Variants in AGAP1 observed in about 807,000 individuals in gnomAD.
AGAP1 encodes the protein arf-GAP with GTPase, ANK repeat and PH domain-containing protein 1.
Under a neutral mutation model 105.3 loss-of-function variants are expected in AGAP1, and 29 were observed. That is an observed-to-expected ratio of 0.28 (90% confidence interval 0.21 to 0.38). AGAP1 has a LOEUF of 0.38. AGAP1 is among the 10% of genes least tolerant of loss of function. The pLI is 1.00. For missense variants in AGAP1, 998 were observed against 1,165.1 expected, an observed-to-expected ratio of 0.86 and a Z score of 2.09; for synonymous variants, 509 against 485.9, an observed-to-expected ratio of 1.05 and a Z score of -0.63.
At chr2:235,946,109 A>T (rs1245148624) in intron 12 of AGAP1, among the ~76,000 whole-genome samples, 7 of 100,194 alleles carry the variant, frequency 7.0e-5, no homozygotes, top group Non-Finnish European at 1.2e-4. Flanking sequence ...TCCCCTAATT[A>T]AAAAAAAAAA....
intron 16 of AGAP1, among the ~76,000 whole-genome samples, chr2:236,117,731 C>T (rs923931528): frequency 1.3e-5 from 2 of 152,190 alleles, no homozygotes; most frequent in Non-Finnish European, 2.9e-5. Flanking sequence ...TGACGTTTTG[C>T]TCCTTCTCTT....
At chr2:235,755,788 C>G (rs936349246) in intron 6 of AGAP1, among the ~76,000 whole-genome samples, 9 of 152,166 alleles carry the variant, frequency 5.9e-5, no homozygotes, top group African/African-American at 1.9e-4. Context: ...TATGAAGAAG[C>G]AGCTTTCTGA....
chr2:235,922,530 G>A (rs1320835942), intron 11 of AGAP1, among the ~76,000 whole-genome samples: 2 of 152,188 alleles, frequency 1.3e-5, no homozygotes, highest in Non-Finnish European at 2.9e-5. Flanking sequence ...AAAATTGGAA[G>A]GCGCAGGGAA....
At chr2:235,745,352 CAG>C (rs1034885028) in intron 5 of AGAP1, among the ~76,000 whole-genome samples, 37 of 152,294 alleles carry the variant, frequency 2.4e-4, no homozygotes, top group African/African-American at 7.9e-4. Flanking sequence ...GCCCCTCAGA[CAG>C]AGAATCCAAC....
At chr2:236,112,291 C>T (rs1378110496) in intron 16 of AGAP1, among the ~76,000 whole-genome samples, 1 of 152,088 alleles carries the variant, frequency 6.6e-6, no homozygotes, top group Non-Finnish European at 1.5e-5. Context: ...TGGCACGTGC[C>T]TGTAATCCCA....
intron 1 of AGAP1, among the ~76,000 whole-genome samples, chr2:235,643,478 A>G (rs1170487753): frequency 6.9e-6 from 1 of 145,876 alleles, no homozygotes; most frequent in Non-Finnish European, 1.5e-5. Flanking sequence ...AGTTTAAAGG[A>G]TGTTAAAAAT....
chr2:235,758,194 G>T (rs1185123845), intron 6 of AGAP1, among the ~76,000 whole-genome samples: 2 of 143,066 alleles, frequency 1.4e-5, no homozygotes, highest in Non-Finnish European at 2.9e-5. Context: ...CAAAAAATAA[G>T]ATTTTTTACA....
rs1276628685 is a variant in AGAP1 at position 235,927,636 on chromosome 2, C to A, written c.1325-3129C>A. On this transcript the variant is annotated intron_variant, in intron 11 of 17. Transcript: ENST00000304032. This position sits in a 1 kb window ranked among gnomAD's most constrained non-coding sequence, Gnocchi z 4.4. ...TGGGGTTGAGATTGACTTGGCTCTC[C>A]TTACTGTGTGTTGATACTTACTTCT... is the stretch of plus-strand genomic sequence containing the variant. 6.6e-6 allele frequency among the ~76,000 whole-genome samples: 1 copy of A among 152,156 alleles called. No individual in the cohort carries two copies. The highest frequency in any genetic ancestry group is 1.5e-5 in the Non-Finnish European group (1 of 68,038).
chr2:235,772,449 T>C (rs1955534641), intron 6 of AGAP1, among the ~76,000 whole-genome samples: 1 of 152,188 alleles, frequency 6.6e-6, no homozygotes, highest in African/African-American at 2.4e-5. Context: ...TCCAGCCCCA[T>C]CAGATCTCCA....
chr2:235,514,340 C>T (rs1173171849), intron 1 of AGAP1, among the ~76,000 whole-genome samples: 2 of 152,232 alleles, frequency 1.3e-5, no homozygotes, highest in African/African-American at 4.8e-5. Flanking sequence ...AATTCCTTGG[C>T]CTCACCCTTA....
chr2:235,530,141 C>T (rs1438470130), intron 1 of AGAP1, among the ~76,000 whole-genome samples: 1 of 152,138 alleles, frequency 6.6e-6, no homozygotes, highest in Non-Finnish European at 1.5e-5. Flanking sequence ...GACTACAAGA[C>T]GTGGGTCTTG....
At chr2:235,717,002 G>GGT (rs910997069) in intron 2 of AGAP1, among the ~76,000 whole-genome samples, 7 of 152,114 alleles carry the variant, frequency 4.6e-5, no homozygotes, top group Non-Finnish European at 7.4e-5. Flanking sequence ...CTGGGAGGCA[G>GGT]GTGTGTGCCC....
chr2:235,758,525 C>T lies in AGAP1; in HGVS notation c.673+8037C>T, dbSNP rs549495002. Among the ~76,000 whole-genome samples, 4 of 152,292 alleles carry T rather than the reference C, an allele frequency of 2.6e-5. No individual in the cohort carries two copies. In the South Asian group the frequency reaches 8.3e-4, roughly 32 times the overall value. The stretch of plus-strand genomic sequence containing the variant: ...GTCCCCGTCTCTACACCCTCACCCC[C>T]TCCACACATTGAAAGTCTTATTTCT... On this transcript the variant is annotated intron_variant, in intron 6 of 17. Coordinates refer to ENST00000304032, the MANE Select transcript of AGAP1 (RefSeq NM_001037131.3).
intron 1 of AGAP1, among the ~76,000 whole-genome samples, chr2:235,636,259 TTA>T (rs1946999066): frequency 6.6e-6 from 1 of 152,110 alleles, no homozygotes; most frequent in Non-Finnish European, 1.5e-5. Context: ...TGCAGGGCCT[TTA>T]TCCTTGGGGC....
rs1942358686 is a variant in AGAP1 at position 235,515,895 on chromosome 2, A to C, written c.163+21046A>C. Among the ~76,000 whole-genome samples, 2 of 152,146 alleles carry C rather than the reference A, an allele frequency of 1.3e-5. 1 individual carries two copies. Among genetic ancestry groups the C allele is most frequent in the South Asian group, 4.1e-4 (2 of 4,828 alleles). On this transcript the variant is annotated intron_variant, in intron 1 of 17. Transcript: ENST00000304032. ...TGGGAAAGAGATATTTAAGGGGGTG[A>C]GGGGAGCTCAGCAACAGCGACTTAA...
Position 235,867,170 on chromosome 2 carries a change from C to T in AGAP1, c.1051-16175C>T, listed in dbSNP as rs1274009251. On this transcript the variant is annotated intron_variant, in intron 9 of 17. Transcript: ENST00000304032. The surrounding 1 kb of genome is among the most constrained non-coding windows in gnomAD (Gnocchi z 5.4). Reference sequence around the variant, plus strand: ...GAAAAGAATTGAATTTGCCAATTTACATTAAAGTTTCTGGCCTCTGATTGG... The same window carrying T: ...GAAAAGAATTGAATTTGCCAATTTATATTAAAGTTTCTGGCCTCTGATTGG... 6.6e-6 allele frequency among the ~76,000 whole-genome samples: 1 copy of T among 152,172 alleles called. No individual in the cohort carries two copies. Among genetic ancestry groups the T allele is most frequent in the East Asian group, 1.9e-4 (1 of 5,180 alleles).
rs941315598 is a variant in AGAP1 at position 236,080,461 on chromosome 2, T to C, written c.2114+31180T>C. On this transcript the variant is annotated intron_variant, in intron 16 of 17. Transcript: ENST00000304032. The surrounding 1 kb of genome is among the most constrained non-coding windows in gnomAD (Gnocchi z 4.2). ...AATTCCCAGGCCAAGGGAAGAGTTGTTACGGAGACTCTATGGCCAAGAGGG... is the reference window on the plus strand; with the variant it reads ...AATTCCCAGGCCAAGGGAAGAGTTGCTACGGAGACTCTATGGCCAAGAGGG... 3.9e-5 allele frequency among the ~76,000 whole-genome samples: 6 copies of C among 152,156 alleles called. No individual in the cohort carries two copies. The highest frequency in any genetic ancestry group is 1.4e-4 in the African/African-American group (6 of 41,426).
At chr2:235,673,029 G>T (rs1948520173) in intron 1 of AGAP1, among the ~76,000 whole-genome samples, 1 of 152,222 alleles carries the variant, frequency 6.6e-6, no homozygotes, top group Non-Finnish European at 1.5e-5. Context: ...ATAGCCATAT[G>T]GTCAGAACTC....
intron 9 of AGAP1, among the ~76,000 whole-genome samples, chr2:235,816,413 G>A (rs1307597186): frequency 1.4e-5 from 2 of 144,220 alleles, no homozygotes; most frequent in Non-Finnish European, 3.0e-5. Flanking sequence ...ACTCCAGCCT[G>A]GGTGGCAGAG....
Sources: gnomAD v4.1 joint callset for allele counts (sites outside exome capture counted in the v4.1 genomes callset) on GRCh38, gnomAD v4.1.1 for gene constraint, Gnocchi (gnomAD v3.1) non-coding constraint, MANE v1.5 for transcripts, NCBI Gene and HGNC (gene_info 2026-07-23, HGNC 2026-07-21) for gene names.